Variants in CPNE8 observed in about 807,000 individuals in gnomAD.
CPNE8 encodes the protein copine-8.
A neutral mutation model predicts 81.5 loss-of-function variants in CPNE8; 45 were observed. That is an observed-to-expected ratio of 0.55 (90% CI 0.44 to 0.71). The LOEUF (loss-of-function observed/expected upper bound fraction) is 0.71, where lower values mean the gene tolerates loss of function less well. Ranked by LOEUF, CPNE8 falls within the 30% of genes least tolerant of loss-of-function variation. CPNE8 has a pLI of 0.00. For missense variants in CPNE8, 594 were observed against 672.1 expected (o/e 0.88, Z 1.28); for synonymous variants, 252 against 226.3 (o/e 1.11, Z -1.02).
intron 13 of CPNE8, among the ~76,000 whole-genome samples, chr12:38,706,479 AAAAT>A (rs1298170679): frequency 6.6e-6 from 1 of 152,192 alleles, no homozygotes; most frequent in African/African-American, 2.4e-5. Context: ...TAATGATAAA[AAAAT>A]CTGGATATAA....
chr12:38,803,406 C>A (rs1331651827), intron 6 of CPNE8, among the ~76,000 whole-genome samples: 1 of 149,568 alleles, frequency 6.7e-6, no homozygotes, highest in African/African-American at 2.4e-5. Flanking sequence ...AAGACAAAAA[C>A]CACATGATTA....
intron 6 of CPNE8, among the ~76,000 whole-genome samples, chr12:38,789,602 C>T (rs1207547651): frequency 2.6e-5 from 4 of 151,728 alleles, no homozygotes; most frequent in Non-Finnish European, 4.4e-5. Context: ...AATCAGATCA[C>T]ATCAAGTTAA....
chr12:38,814,815 A>C (rs1300500930), intron 6 of CPNE8, among the ~76,000 whole-genome samples: 6 of 152,106 alleles, frequency 3.9e-5, no homozygotes, highest in Non-Finnish European at 8.8e-5. Context: ...GTCAGCAAAT[A>C]ATATAGCTTT....
At chr12:38,710,661 G>A (rs1310444700) in intron 13 of CPNE8, among the ~76,000 whole-genome samples, 1 of 152,162 alleles carries the variant, frequency 6.6e-6, no homozygotes, top group Non-Finnish European at 1.5e-5. Flanking sequence ...GGGGTCAGAA[G>A]AGAGTTCTTT....
rs149466930 is a variant in CPNE8, at chr12:38,892,752, T to C, written c.98+12685A>G. On this transcript the variant is annotated intron_variant, in intron 1 of 19. Transcript: ENST00000331366. ...TCTGACAATTTTACTAAAAACTCTC[T>C]AGTTGCCAAAGAGACCTAAATGATT... 2.5e-3 allele frequency among the ~76,000 whole-genome samples: 383 copies of C among 152,304 alleles called. 1 individual carries two copies. Among genetic ancestry groups the C allele is most frequent in the Non-Finnish European group, 4.7e-3 (318 of 68,014 alleles).
rs568569913 is a variant in CPNE8, at chr12:38,734,617, G to C, written c.723-4259C>G. Among the ~76,000 whole-genome samples, 91 of 152,054 alleles carry C rather than the reference G, an allele frequency of 6.0e-4. 1 individual carries two copies. The Middle Eastern group carries it at 0.014, about 23-fold the overall frequency. On this transcript the variant is annotated intron_variant, in intron 10 of 19. Coordinates refer to ENST00000331366, the MANE Select transcript of CPNE8 (RefSeq NM_153634.3). ...CCTTTCTCTACCACCATGTTGTCTT[G>C]AGTCAGTCAGTCAACCTCTGGGTCC...
chr12:38,898,501 G>A (rs1349846776), intron 1 of CPNE8, among the ~76,000 whole-genome samples: 5 of 152,036 alleles, frequency 3.3e-5, no homozygotes, highest in African/African-American at 7.2e-5. Flanking sequence ...AGGATGTTAC[G>A]GTCTACAACA....
At chr12:38,666,923 AG>A (rs1939068414) in intron 19 of CPNE8, among the ~76,000 whole-genome samples, 1 of 152,172 alleles carries the variant, frequency 6.6e-6, no homozygotes, top group Non-Finnish European at 1.5e-5. Flanking sequence ...TGTCACATAA[AG>A]TTAATTAAGG....
intron 14 of CPNE8, among the ~76,000 whole-genome samples, chr12:38,701,396 C>A (rs1188014168): frequency 2.0e-5 from 3 of 152,070 alleles, no homozygotes; most frequent in Non-Finnish European, 2.9e-5. Context: ...TAATTTCTTG[C>A]TTATCTTAGT....
At chr12:38,847,556 C>A (rs927542250) in intron 4 of CPNE8, among the ~76,000 whole-genome samples, 5 of 152,048 alleles carry the variant, frequency 3.3e-5, no homozygotes, top group South Asian at 2.1e-4. Flanking sequence ...AAATAAAAAA[C>A]CAAATGTGGA....
intron 6 of CPNE8, among the ~76,000 whole-genome samples, chr12:38,811,683 T>G (rs1240231564): frequency 6.6e-6 from 1 of 152,140 alleles, no homozygotes; most frequent in Non-Finnish European, 1.5e-5. Context: ...AGTGAGAATA[T>G]GTCTCTACAA....
intron 1 of CPNE8, among the ~76,000 whole-genome samples, chr12:38,894,538 C>A (rs1169334937): frequency 6.6e-6 from 1 of 151,970 alleles, no homozygotes; most frequent in Non-Finnish European, 1.5e-5. Flanking sequence ...CAAGATAAGT[C>A]AGATAATAAG....
intron 19 of CPNE8, among the ~76,000 whole-genome samples, chr12:38,667,100 T>A (rs1057407333): frequency 1.3e-5 from 2 of 152,202 alleles, no homozygotes; most frequent in Non-Finnish European, 2.9e-5. Context: ...CATACTATTA[T>A]TTGCCACCTT....
chr12:38,780,703 C>A lies in CPNE8; in HGVS notation c.408-4402G>T, dbSNP rs188195255. On this transcript the variant is annotated intron_variant, in intron 6 of 19. Transcript: ENST00000331366. ...AACTGAAAGATAATTGAAACAATAT[C>A]TTCAGTGGTATGAAAGAAAATAATT... Among the ~76,000 whole-genome samples, 1,429 of 152,114 alleles carry A rather than the reference C, an allele frequency of 9.4e-3. 21 individuals are homozygous for A. Among genetic ancestry groups the A allele is most frequent in the South Asian group, 0.04 (194 of 4,806 alleles).
intron 6 of CPNE8, among the ~76,000 whole-genome samples, chr12:38,794,858 C>T (rs1445640906): frequency 2.0e-5 from 3 of 152,074 alleles, no homozygotes; most frequent in Admixed American, 6.6e-5. Context: ...GGAGATTAAC[C>T]TGTTAGTCAG....
At chr12:38,905,728 T>G, upstream of CPNE8, 1 of 1,418,438 alleles carries the variant, frequency 7.1e-7, no homozygotes, top group Non-Finnish European at 9.2e-7. Flanking sequence ...CGCTAGCCAG[T>G]CCTGGGTGAA....
At chr12:38,732,034 G>T (rs1386270461) in intron 10 of CPNE8, among the ~76,000 whole-genome samples, 1 of 151,610 alleles carries the variant, frequency 6.6e-6, no homozygotes, top group African/African-American at 2.4e-5. Context: ...CAAACACAAC[G>T]CTTTGATATC....
At chr12:38,723,887 C>T (rs1940633084) in intron 12 of CPNE8, 54 bp from the exon 13 acceptor site, 2 of 960,788 alleles carry the variant, frequency 2.1e-6, no homozygotes, top group South Asian at 1.4e-5. Context: ...CCCAAATAGA[C>T]CTTTCTAATT....
chr12:38,905,764 G>T (rs1263637515), upstream of CPNE8: 4 of 1,393,432 alleles, frequency 2.9e-6, no homozygotes, highest in African/African-American at 5.8e-5. Flanking sequence ...CAAGTGGCGC[G>T]CGGGGATCCC....
Sources: gnomAD v4.1 joint callset for allele counts (sites outside exome capture counted in the v4.1 genomes callset) on GRCh38, gnomAD v4.1.1 for gene constraint, MANE v1.5 for transcripts, NCBI Gene and HGNC (gene_info 2026-07-23, HGNC 2026-07-21) for gene names.